Variants in FBXO34 observed in about 807,000 individuals in gnomAD.
FBXO34 encodes the protein F-box protein 34.
Under a neutral mutation model 24.5 loss-of-function variants are expected in FBXO34, and 12 were observed. The ratio of observed to expected loss-of-function variants is 0.49; its 90% CI spans 0.31 to 0.79. The LOEUF is 0.79. Ranked by LOEUF, FBXO34 falls within the 30% of genes least tolerant of loss-of-function variation. The probability of loss-of-function intolerance (pLI) is 0.04; values close to 1 mark genes in which losing one functional copy is unlikely to be tolerated. For synonymous variants in FBXO34, 320 were observed against 311.9 expected (o/e 1.03, Z -0.27); for missense variants, 823 against 857.7 (o/e 0.96, Z 0.51).
chr14:55,419,202 T>TG, the FBXO34 span, among the ~76,000 whole-genome samples: 105 of 152,244 alleles, frequency 6.9e-4, no homozygotes, highest in Non-Finnish European at 1.3e-3. Context: ...GCTCCTCACA[T>TG]GCCTGTTGCC....
chr14:55,360,726 G>T (rs1884582802), intron 3 of FBXO34, among the ~76,000 whole-genome samples: 1 of 152,110 alleles, frequency 6.6e-6, no homozygotes, highest in Non-Finnish European at 1.5e-5. Context: ...GGCCGGGCAT[G>T]GTGGCTCACA....
At chr14:55,318,049 C>T (rs879383002) in intron 1 of FBXO34, 4 of 151,946 alleles carry the variant, frequency 2.6e-5, no homozygotes, top group African/African-American at 4.8e-5. Flanking sequence ...CTGATGCTTA[C>T]CTTAGGGTTT....
At chr14:55,292,910 TCTCA>T (rs1881989600) in intron 1 of FBXO34, among the ~76,000 whole-genome samples, 2 of 151,966 alleles carry the variant, frequency 1.3e-5, no homozygotes, top group South Asian at 4.2e-4. Flanking sequence ...TGAAACGGAG[TCTCA>T]CTCTTTCACT....
In FBXO34 at chr14:55,352,110, T is replaced by A. The variant is rs141781589; in HGVS notation, c.1720T>A (p.Tyr574Asn). 4 of 1,614,214 alleles carry A rather than the reference T, an allele frequency of 2.5e-6. No individual in the cohort carries two copies. Among genetic ancestry groups the A allele is most frequent in the Non-Finnish European group, 3.4e-6 (4 of 1,180,036 alleles). The part of the protein sequence containing the change: ...KIQQLLEPQQ[Y>N]MAFLPHHIMV... Reference sequence around the variant, plus strand: ...CCAGCAGCTTTTGGAGCCTCAGCAGTACATGGCTTTTCTGCCCCACCACAT... The same window carrying A: ...CCAGCAGCTTTTGGAGCCTCAGCAGAACATGGCTTTTCTGCCCCACCACAT... The change falls in exon 2 of 2, where the codon TAC becomes AAC. Residue 574 changes from tyrosine to asparagine, a missense_variant. Physicochemically the swap from Tyr to Asn is moderately radical, Grantham distance 143. Coordinates refer to ENST00000313833, the MANE Select transcript of FBXO34 (RefSeq NM_017943.4).
chr14:55,273,246 GTC>G lies in FBXO34; in HGVS notation c.-11+1715_-11+1716del, dbSNP rs1291254282. 2.0e-5 allele frequency among the ~76,000 whole-genome samples: 3 copies of G among 151,496 alleles called. No homozygotes were observed. In the East Asian group the frequency reaches 5.8e-4, roughly 29 times the overall value. On this transcript the variant is annotated intron_variant, in intron 1 of 1. Transcript: ENST00000313833. ...TTTTAGAGGTGATTGATAAGATACT[GTC>G]TCTCTGGGTTTTACATCAACATGCA... is the stretch of plus-strand genomic sequence containing the variant.
intron 1 of FBXO34, among the ~76,000 whole-genome samples, chr14:55,274,023 C>G (rs902854266): frequency 1.2e-4 from 18 of 152,264 alleles, no homozygotes; most frequent in African/African-American, 4.1e-4. Context: ...CCAGGCTGGT[C>G]ATGAACTCCT....
intron 1 of FBXO34, among the ~76,000 whole-genome samples, chr14:55,306,000 C>G (rs1239387744): frequency 6.6e-6 from 1 of 152,144 alleles, no homozygotes; most frequent in Non-Finnish European, 1.5e-5. Context: ...TAAAATAGTT[C>G]AATGTTTGAT....
chr14:55,395,648 G>C, the FBXO34 span, among the ~76,000 whole-genome samples: 2 of 152,144 alleles, frequency 1.3e-5, no homozygotes, highest in African/African-American at 4.8e-5. Flanking sequence ...AATCCATTTG[G>C]AGTGTGTATG....
chr14:55,385,717 GT>G, the FBXO34 span: 1 of 809,170 alleles, frequency 1.2e-6, no homozygotes, highest in South Asian at 1.9e-5. Context: ...CGTACTGTTT[GT>G]TGAAACAGAT....
chr14:55,421,296 T>C, the FBXO34 span, among the ~76,000 whole-genome samples: 1 of 152,146 alleles, frequency 6.6e-6, no homozygotes, highest in Admixed American at 6.6e-5. Context: ...CACTATTCAA[T>C]TTTATTGGCA....
chr14:55,351,134 G>C lies in FBXO34; in HGVS notation c.744G>C (p.Val248=), dbSNP rs755252782. The change falls in exon 2 of 2, where the codon GTG becomes GTC. Residue 248 remains valine, a synonymous_variant. Coordinates refer to ENST00000313833, the MANE Select transcript of FBXO34 (RefSeq NM_017943.4). The stretch of plus-strand genomic sequence containing the variant: ...GCCAATCCAGAGGTGTGCCTGCAGT[G>C]TCTGAGTCCTATTCTGCCCCAGGAG... ...FSGQSRGVPA[V]SESYSAPGAC... is the part of the protein sequence containing the mutation. 6 of 1,614,210 alleles carry C rather than the reference G, an allele frequency of 3.7e-6. No individual in the cohort carries two copies. The Admixed American group carries it at 1.0e-4, about 27-fold the overall frequency.
the FBXO34 span, among the ~76,000 whole-genome samples, chr14:55,398,717 A>G: frequency 1.3e-5 from 2 of 152,260 alleles, no homozygotes; most frequent in South Asian, 4.2e-4. Context: ...CGTACTTGAA[A>G]TAACGTGTAT....
chr14:55,403,537 T>C, the FBXO34 span, among the ~76,000 whole-genome samples: 2 of 152,114 alleles, frequency 1.3e-5, no homozygotes, highest in Admixed American at 1.3e-4. Context: ...GATAGTCATA[T>C]ATAATCTTTT....
chr14:55,304,119 C>T (rs1173207827), intron 1 of FBXO34, among the ~76,000 whole-genome samples: 1 of 152,280 alleles, frequency 6.6e-6, no homozygotes. Context: ...TAGCATATAT[C>T]TTAATTCTAA....
chr14:55,333,540 A>C (rs1883670009), intron 1 of FBXO34, among the ~76,000 whole-genome samples: 1 of 152,224 alleles, frequency 6.6e-6, no homozygotes, highest in Non-Finnish European at 1.5e-5. Context: ...AAAATATATA[A>C]AAACTGTTAC....
At chr14:55,311,918 T>C in intron 1 of FBXO34, among the ~76,000 whole-genome samples, 1 of 152,024 alleles carries the variant, frequency 6.6e-6, no homozygotes, top group East Asian at 1.9e-4. Context: ...CTTAAAGTTC[T>C]GGCCAGGTGC....
At chr14:55,306,832 C>CAAAAG (rs1219046667) in intron 1 of FBXO34, among the ~76,000 whole-genome samples, 1 of 118 alleles carries the variant, frequency 8.5e-3, no homozygotes, top group African/African-American at 0.026. Context: ...GACTCCATCT[C>CAAAAG]AAAACAAAAC....
At chr14:55,370,978 C>T (rs1268746006), downstream of FBXO34, among the ~76,000 whole-genome samples, 4 of 152,126 alleles carry the variant, frequency 2.6e-5, no homozygotes. Flanking sequence ...TTCAAATGCC[C>T]CTCAGCTCCT....
chr14:55,390,014 A>G, the FBXO34 span, among the ~76,000 whole-genome samples: 1 of 152,020 alleles, frequency 6.6e-6, no homozygotes, highest in Non-Finnish European at 1.5e-5. Flanking sequence ...ATTACAAGTG[A>G]GTACCAAGTT....
Sources: allele counts gnomAD v4.1 joint callset (sites outside exome capture counted in the v4.1 genomes callset), GRCh38; gene constraint gnomAD v4.1.1; transcripts MANE v1.5; gene names NCBI Gene and HGNC (gene_info 2026-07-23, HGNC 2026-07-21).